The following SLC5A7 variants were observed in gnomAD, a reference collection of about 807,000 sequenced individuals.
SLC5A7 encodes solute carrier family 5 member 7, also known as high affinity choline transporter 1.
In SLC5A7, 19 loss-of-function variants were observed where a neutral mutation model predicts 55.4. The observed-to-expected ratio is 0.34, with a 90% confidence interval of 0.24 to 0.50. SLC5A7 has a LOEUF of 0.50. Among genes scored for constraint, SLC5A7 ranks in the 20% least tolerant of loss-of-function variants. The pLI is 0.98. For missense variants in SLC5A7, 506 were observed against 705.3 expected (o/e 0.72, Z 3.20); for synonymous variants, 265 against 263.7 (o/e 1.00, Z -0.05).
Position 107,998,144 on chromosome 2 carries a change from A to C in SLC5A7, c.597+158A>C, listed in dbSNP as rs114237057. On this transcript the variant is annotated intron_variant, in intron 5 of 8. Transcript: ENST00000264047. ...TTTCAAATTTCTCCATAAATTAATT[A>C]GATGAAAAACTCGTCATTTTGATAA... Among the ~76,000 whole-genome samples, 2,243 of 152,334 alleles carry C rather than the reference A, an allele frequency of 0.015. 68 individuals carry two copies. The highest frequency in any genetic ancestry group is 0.052 in the African/African-American group (2,157 of 41,572).
In SLC5A7 at chr2:108,006,221, C is replaced by T. The variant is rs754968333; in HGVS notation, c.895+19C>T. The T allele has an allele frequency of 6.8e-6, 11 of 1,613,320 alleles. No individual in the cohort carries two copies. The highest frequency in any genetic ancestry group is 6.7e-5 in the Admixed American group (4 of 60,000). On this transcript the variant is annotated intron_variant, in intron 7 of 8. Coordinates refer to ENST00000264047, the MANE Select transcript of SLC5A7 (RefSeq NM_021815.5). ...TCAACAGGTAAATCTCTTGCAGCTT[C>T]ACCACATGTGCCAGTTAGTTTACCA...
At chr2:108,001,527 G>T (rs1446180549) in intron 5 of SLC5A7, among the ~76,000 whole-genome samples, 2 of 151,326 alleles carry the variant, frequency 1.3e-5, no homozygotes, top group African/African-American at 4.9e-5. Context: ...CAAAAAATTA[G>T]CCGGGCGTAG....
At position 108,011,014 on chromosome 2, in the gene SLC5A7, C is replaced by T; in HGVS notation, c.*153C>T. ...TAAAGTGCAATTGCACAAATACAAG[C>T]CAAGCTAGAAGGAAGCACCTATGAA... On this transcript the variant is annotated 3_prime_UTR_variant, in exon 9 of 9. Transcript: ENST00000264047. The T allele has an allele frequency of 3.9e-6, 3 of 771,970 alleles. No homozygotes were observed. The highest frequency in any genetic ancestry group is 5.6e-6 in the Non-Finnish European group (3 of 540,124). 47.8% of individuals were successfully genotyped at this position (771,970 alleles called of 1,614,324 possible).
At position 108,008,833 on chromosome 2, in the gene SLC5A7, A is replaced by T. The variant is rs1678213941; in HGVS notation, c.1113+151A>T. 5.5e-6 allele frequency: 3 copies of T among 547,226 alleles called. No homozygotes were observed. The African/African-American group carries it at 5.9e-5, about 11-fold the overall frequency. The allele number at this position is 547,226 out of a possible 1,614,324, so 33.9% of individuals were successfully genotyped here. On this transcript the variant is annotated intron_variant, in intron 8 of 8. Coordinates refer to ENST00000264047, the MANE Select transcript of SLC5A7 (RefSeq NM_021815.5). ...AGCATACGAGATTAAATAACAAATT[A>T]TACCTATGCTGAATGGATGCTATCA...
intron 7 of SLC5A7, 128 bp downstream of exon 7, chr2:108,006,330 T>C: frequency 9.3e-7 from 1 of 1,070,204 alleles, no homozygotes; most frequent in Admixed American, 2.3e-5. Flanking sequence ...TATCTATAGA[T>C]TTGTTATAGC....
chr2:108,006,078 C>T lies in SLC5A7; in HGVS notation c.771C>T (p.Tyr257=), dbSNP rs780066393. The T allele has an allele frequency of 6.2e-7, 1 of 1,614,134 alleles. No individual in the cohort carries two copies. Among genetic ancestry groups the T allele is most frequent in the Non-Finnish European group, 8.5e-7 (1 of 1,179,984 alleles). Residue 257 remains tyrosine (Y), a synonymous_variant, in exon 7 of 9, where the codon TAC becomes TAT. Transcript: ENST00000264047. Reference sequence around the variant, plus strand: ...TGGGTGGAATCCCATGGCAAGCATACTTTCAGAGGGTTCTCTCTTCTTCCT... The same window carrying T: ...TGGGTGGAATCCCATGGCAAGCATATTTTCAGAGGGTTCTCTCTTCTTCCT... ...LMLGGIPWQA[Y]FQRVLSSSSA... is the part of the protein sequence containing the mutation.
At chr2:108,001,439 C>T (rs989715445) in intron 5 of SLC5A7, among the ~76,000 whole-genome samples, 5 of 151,856 alleles carry the variant, frequency 3.3e-5, no homozygotes, top group Non-Finnish European at 7.4e-5. Flanking sequence ...TTTGGGAGGC[C>T]GAGGCGGGCG....
intron 5 of SLC5A7, 68 bp from the exon 6 acceptor site, chr2:108,001,829 A>G (rs1677919126): frequency 1.3e-6 from 2 of 1,566,864 alleles, no homozygotes; most frequent in Admixed American, 3.4e-5. Flanking sequence ...TGTGAGGTGT[A>G]CAAATCTTGC....
intron 4 of SLC5A7, among the ~76,000 whole-genome samples, chr2:107,994,373 T>G (rs560163408): frequency 8.9e-4 from 135 of 151,962 alleles, no homozygotes; most frequent in Middle Eastern, 3.4e-3. Context: ...CACGAGGTCA[T>G]GAGATCGAGA....
At chr2:108,002,246 G>A (rs534407902) in intron 6 of SLC5A7, among the ~76,000 whole-genome samples, 2 of 152,142 alleles carry the variant, frequency 1.3e-5, no homozygotes, top group East Asian at 1.9e-4. Flanking sequence ...GGCCCTGAGG[G>A]GACAGCATAA....
At position 108,001,937 on chromosome 2, in the gene SLC5A7, C is replaced by G. The variant is rs1477825522; in HGVS notation, c.638C>G (p.Ala213Gly). ...TTTGCATTGTCACATCCTGCAGTCG[C>G]AGACATCGGGTTCACTGCTGTGCAT... is the stretch of plus-strand genomic sequence containing the variant. ...VPFALSHPAVADIGFTAVHAK... is the reference protein window; with the variant it reads ...VPFALSHPAVGDIGFTAVHAK... Residue 213 changes from alanine to glycine, a missense_variant, in exon 6 of 9, where the codon GCA (alanine) becomes GGA (glycine). Transcript: ENST00000264047. The G allele has an allele frequency of 4.3e-6, 7 of 1,614,044 alleles. No individual in the cohort carries two copies. Among genetic ancestry groups the G allele is most frequent in the African/African-American group, 1.3e-5 (1 of 74,918 alleles).
At chr2:107,993,457 A>AAAT (rs1677532428) in intron 4 of SLC5A7, among the ~76,000 whole-genome samples, 4 of 152,228 alleles carry the variant, frequency 2.6e-5, no homozygotes, top group African/African-American at 9.6e-5. Flanking sequence ...AGTGCAGTTT[A>AAAT]CTTAACATAA....
chr2:107,995,755 T>A (rs994260007), intron 4 of SLC5A7, among the ~76,000 whole-genome samples: 1 of 152,156 alleles, frequency 6.6e-6, no homozygotes, highest in African/African-American at 2.4e-5. Context: ...CATAGGAGAA[T>A]CTTAAACTAT....
intron 5 of SLC5A7, among the ~76,000 whole-genome samples, chr2:107,998,340 A>G (rs1298491287): frequency 2.0e-5 from 3 of 152,182 alleles, no homozygotes; most frequent in Non-Finnish European, 4.4e-5. Context: ...TAACTTGTAC[A>G]AGTCTCCCTT....
chr2:108,001,750 C>A, intron 5 of SLC5A7, 147 bp from the exon 6 acceptor site: 3 of 678,768 alleles, frequency 4.4e-6, no homozygotes, highest in South Asian at 2.9e-5. Flanking sequence ...TGGTGCCCAA[C>A]AAAAAACAGA....
In SLC5A7 at chr2:108,010,905, A is replaced by G. The variant is rs542918548; in HGVS notation, c.*44A>G. On this transcript the variant is annotated 3_prime_UTR_variant, in exon 9 of 9. Transcript: ENST00000264047. ...CTGCTTTTGCAAACAGAACACTGTA[A>G]TAGGGTAGTTCTGGAGAGATGGTAT... 1.0e-4 allele frequency: 153 copies of G among 1,511,754 alleles called. 2 individuals carry two copies. The South Asian group carries it at 1.4e-3, about 14-fold the overall frequency. The allele number at this position is 1,511,754 out of a possible 1,614,324, so 93.6% of individuals were successfully genotyped here.
intron 6 of SLC5A7, among the ~76,000 whole-genome samples, chr2:108,002,649 G>T (rs1677958488): frequency 6.6e-6 from 1 of 152,136 alleles, no homozygotes; most frequent in Admixed American, 6.5e-5. Flanking sequence ...CAGAAGAACT[G>T]ACCAGATTTT....
At position 108,008,421 on chromosome 2, in the gene SLC5A7, T is replaced by C. The variant is rs374667823; in HGVS notation, c.896-44T>C. The C allele has an allele frequency of 3.3e-5, 50 of 1,512,384 alleles. No homozygotes were observed. In the African/African-American group the frequency reaches 6.9e-4, roughly 21 times the overall value. The allele number at this position is 1,512,384 out of a possible 1,614,324, so 93.7% of individuals were successfully genotyped here. On this transcript the variant is annotated intron_variant, in intron 7 of 8. Transcript: ENST00000264047. Reference sequence around the variant, plus strand: ...ATGACCCCAGATGGATAAAGAACATTTGGTTCCTTGGTGGTTATAATGGTT... The same window carrying C: ...ATGACCCCAGATGGATAAAGAACATCTGGTTCCTTGGTGGTTATAATGGTT...
chr2:107,992,887 A>AT (rs1314172139), intron 3 of SLC5A7, 85 bp from the exon 4 acceptor site: 2 of 1,480,290 alleles, frequency 1.4e-6, no homozygotes, highest in East Asian at 2.3e-5. Context: ...TGGAAAATGC[A>AT]TTTTCCTTGA....
Sources: gnomAD v4.1 joint callset for allele counts (sites outside exome capture counted in the v4.1 genomes callset) on GRCh38, gnomAD v4.1.1 for gene constraint, MANE v1.5 for transcripts, NCBI Gene and HGNC (gene_info 2026-07-23, HGNC 2026-07-21) for gene names.